Variants in LAMA1 observed in about 807,000 individuals in gnomAD.
The protein encoded by LAMA1 is laminin subunit alpha 1, also known as laminin subunit alpha-1.
A neutral mutation model predicts 348.7 loss-of-function variants in LAMA1; 219 were observed. That is an observed-to-expected ratio of 0.63 (90% CI 0.56 to 0.70). LAMA1 has a LOEUF of 0.70. Ranked by LOEUF, LAMA1 falls within the 30% of genes least tolerant of loss-of-function variation. The pLI is 0.00. For synonymous variants in LAMA1, 1,487 were observed against 1,491.0 expected, an observed-to-expected ratio of 1.00 and a Z score of 0.06; for missense variants, 3,744 against 3,888.0, an observed-to-expected ratio of 0.96 and a Z score of 0.99.
At chr18:7,102,130 C>T (rs956153604) in intron 1 of LAMA1, among the ~76,000 whole-genome samples, 6 of 152,052 alleles carry the variant, frequency 3.9e-5, no homozygotes, top group Non-Finnish European at 7.4e-5. Flanking sequence ...ATATAAAACA[C>T]GGCCCATTTA....
At position 7,016,668 on chromosome 18, in the gene LAMA1, C is replaced by T; in HGVS notation, c.2812G>A (p.Gly938Ser). The T allele has an allele frequency of 6.2e-7, 1 of 1,611,764 alleles. No individual in the cohort carries two copies. Among genetic ancestry groups the T allele is most frequent in the African/African-American group, 1.3e-5 (1 of 75,036 alleles). ...TGGCCTGAGTCCAGCCCATAATAGC[C>T]ATGCTGTTTCACCAAAGGGGGAGAA... ...TGQQCDQCLH[G>S]YYGLDSGHGC... Residue 938 changes from glycine to serine, a missense_variant, in exon 21 of 63, where the codon GGC becomes AGC. By Grantham distance (56) the Gly-to-Ser change is moderately conservative (BLOSUM62 0). Coordinates refer to ENST00000389658, the MANE Select transcript of LAMA1 (RefSeq NM_005559.4).
chr18:7,033,470 AG>A (rs1177360074), intron 14 of LAMA1, among the ~76,000 whole-genome samples: 2 of 151,314 alleles, frequency 1.3e-5, no homozygotes, highest in Admixed American at 6.6e-5. Flanking sequence ...AAAAAAAAAA[AG>A]ACTTAAATCC....
intron 3 of LAMA1, among the ~76,000 whole-genome samples, chr18:7,056,725 T>C (rs2058083607): frequency 1.3e-5 from 2 of 152,152 alleles, no homozygotes; most frequent in African/African-American, 4.8e-5. Flanking sequence ...ATGTTAAGCA[T>C]AGTGGCAGCT....
intron 3 of LAMA1, 21 bp from the exon 4 acceptor site, chr18:7,050,957 A>G (rs751153067): frequency 1.2e-6 from 2 of 1,613,488 alleles, no homozygotes; most frequent in East Asian, 4.5e-5. Flanking sequence ...GACACTGAAA[A>G]GTCTCAATCC....
chr18:7,072,915 T>C (rs2143767975), intron 3 of LAMA1, among the ~76,000 whole-genome samples: 1 of 152,308 alleles, frequency 6.6e-6, no homozygotes, highest in East Asian at 1.9e-4. Flanking sequence ...TTCCGGGTCC[T>C]ATCAGCCTTG....
chr18:7,015,004 G>A (rs558256792), intron 22 of LAMA1, among the ~76,000 whole-genome samples: 13 of 151,490 alleles, frequency 8.6e-5, no homozygotes, highest in African/African-American at 2.7e-4. Flanking sequence ...CCATCACCAC[G>A]CCCAGCTAAT....
Position 7,013,956 on chromosome 18 carries a change from G to A in LAMA1, c.3222C>T (p.Cys1074=), listed in dbSNP as rs760611120. 8.1e-6 allele frequency: 13 copies of A among 1,613,726 alleles called. No individual in the cohort carries two copies. Among genetic ancestry groups the A allele is most frequent in the Middle Eastern group, 1.6e-4 (1 of 6,084 alleles). Residue 1074 remains cysteine, a synonymous_variant, in exon 23 of 63, where the codon TGC becomes TGT. Transcript: ENST00000389658. ...CTCTGTAACCCAAGGAACACTGATC[G>A]CAGGCCCGGCCACCAAATTTTGACT... ...QCKSKFGGRA[C]DQCSLGYRDF...
At position 7,016,589 on chromosome 18, in the gene LAMA1, G is replaced by T; in HGVS notation, c.2891C>A (p.Thr964Lys). ...GACACAGTGACACTGGCCTTCATCC[G>T]TGCAGCCATCTGACACGGAGCCTGC... ...SVAGSVSDGC[T>K]DEGQCHCVPG... is the part of the protein sequence containing the mutation. The change falls in exon 21 of 63, where the codon ACG (threonine) becomes AAG (lysine). Residue 964 changes from threonine (T) to lysine (K), a missense_variant. Thr to Lys is a moderately conservative substitution (Grantham distance 78). This residue lies in a region of LAMA1 where 1,529 missense variants were observed against 1,689.4 expected (regional missense o/e 0.91). Coordinates refer to ENST00000389658, the MANE Select transcript of LAMA1 (RefSeq NM_005559.4). 1 of 1,614,140 alleles carries T rather than the reference G, an allele frequency of 6.2e-7. No homozygotes were observed. The highest frequency in any genetic ancestry group is 8.5e-7 in the Non-Finnish European group (1 of 1,180,044).
intron 3 of LAMA1, among the ~76,000 whole-genome samples, chr18:7,060,826 T>C (rs1301744196): frequency 6.6e-6 from 1 of 152,148 alleles, no homozygotes; most frequent in Non-Finnish European, 1.5e-5. Flanking sequence ...GGTGTCACCA[T>C]TTCCATTTGA....
chr18:7,021,958 A>G (rs1598284409), intron 19 of LAMA1, among the ~76,000 whole-genome samples: 2 of 151,238 alleles, frequency 1.3e-5, no homozygotes, highest in African/African-American at 4.9e-5. Flanking sequence ...TACCGCACTG[A>G]CTTCTCAGAA....
Position 6,973,200 on chromosome 18 carries a change from T to C in LAMA1, c.6631A>G (p.Asn2211Asp), listed in dbSNP as rs1229160833. 6.2e-7 allele frequency: 1 copy of C among 1,614,134 alleles called. No homozygotes were observed. The highest frequency in any genetic ancestry group is 8.5e-7 in the Non-Finnish European group (1 of 1,179,998). Residue 2211 changes from asparagine to aspartate, a missense_variant, in exon 47 of 63, where the codon AAC (asparagine) becomes GAC (aspartate). Coordinates refer to ENST00000389658, the MANE Select transcript of LAMA1 (RefSeq NM_005559.4). ...TCCTTTACACTCAGTGAACCAATGTTTCCAAATCTAAGGGTTACAAAGAAT... is the reference window on the plus strand; with the variant it reads ...TCCTTTACACTCAGTGAACCAATGTCTCCAAATCTAAGGGTTACAAAGAAT... ...WHSIHVARFG[N>D]IGSLSVKEMS...
chr18:7,072,010 C>G (rs1313858351), intron 3 of LAMA1, among the ~76,000 whole-genome samples: 2 of 152,184 alleles, frequency 1.3e-5, no homozygotes, highest in Admixed American at 1.3e-4. Flanking sequence ...AAGTAAATAT[C>G]CCAAGGGATC....
rs370696638 is a variant in LAMA1 at position 6,949,109 on chromosome 18, T to A, written c.8548A>T (p.Ile2850Phe). ...GLPSQYQARK[I>F]GNITHSIPAC... ...TGGAAAATGCTGCTTACATTTCCAA[T>A]TTTCCTGGCCTGGTACTGGGAGGGC... The change falls in exon 59 of 63, where the codon ATT becomes TTT. Residue 2850 changes from isoleucine to phenylalanine, a missense_variant. Physicochemically the swap from Ile to Phe is conservative, Grantham distance 21. Around this residue, in one of 3 missense-constraint regions of LAMA1, gnomAD observed 1,983 missense variants for 1,934.3 expected, o/e 1.03. Coordinates refer to ENST00000389658, the MANE Select transcript of LAMA1 (RefSeq NM_005559.4). 2 of 1,614,000 alleles carry A rather than the reference T, an allele frequency of 1.2e-6. No individual in the cohort carries two copies. The highest frequency in any genetic ancestry group is 2.7e-5 in the African/African-American group (2 of 74,902).
chr18:7,057,755 A>G (rs2143740314), intron 3 of LAMA1, among the ~76,000 whole-genome samples: 1 of 150,324 alleles, frequency 6.7e-6, no homozygotes, highest in African/African-American at 2.4e-5. Flanking sequence ...CCGTGATTAC[A>G]GATGTGAACC....
rs1157620915 is a variant in LAMA1, at chr18:7,026,122, A to G, written c.2275-16T>C. ...GCGCACACGCCTAGGAACATGCACC[A>G]GAAGAATCAGCTCAGGTTGTCTTAA... On this transcript the variant is annotated splice_polypyrimidine_tract_variant and intron_variant, in intron 16 of 62. Transcript: ENST00000389658. 1 of 1,609,994 alleles carries G rather than the reference A, an allele frequency of 6.2e-7. No homozygotes were observed. The highest frequency in any genetic ancestry group is 2.2e-5 in the East Asian group (1 of 44,796).
At position 7,037,673 on chromosome 18, in the gene LAMA1, C is replaced by T. The variant is rs377172724; in HGVS notation, c.1642G>A (p.Gly548Arg). Reference sequence around the variant, plus strand: ...TTGTTGATGCTGACCTGATGGCGCCCGCCTAGTGCATCTTGCTGAGACGGG... The same window carrying T: ...TTGTTGATGCTGACCTGATGGCGCCTGCCTAGTGCATCTTGCTGAGACGGG... The part of the protein sequence containing the change: ...KIPSQQDALG[G>R]RHQVSINNTA... The change falls in exon 12 of 63, where the codon GGG becomes AGG. Residue 548 changes from glycine to arginine, a missense_variant. Physicochemically the swap from Gly to Arg is moderately radical, Grantham distance 125 (BLOSUM62 -2). Transcript: ENST00000389658. The T allele has an allele frequency of 1.3e-4, 205 of 1,614,022 alleles. No individual in the cohort carries two copies. Among genetic ancestry groups the T allele is most frequent in the Non-Finnish European group, 1.6e-4 (184 of 1,180,034 alleles).
At chr18:7,062,878 G>A (rs896913450) in intron 3 of LAMA1, among the ~76,000 whole-genome samples, 2 of 152,124 alleles carry the variant, frequency 1.3e-5, no homozygotes, top group African/African-American at 4.8e-5. Context: ...TGCTCCAGTT[G>A]ATGGAGCGAT....
intron 1 of LAMA1, among the ~76,000 whole-genome samples, chr18:7,100,752 G>A (rs2058288189): frequency 6.6e-6 from 1 of 152,170 alleles, no homozygotes; most frequent in Non-Finnish European, 1.5e-5. Flanking sequence ...GCTCACACCT[G>A]TAATCCCAGC....
At chr18:6,945,158 G>A (rs186362783) in intron 61 of LAMA1, among the ~76,000 whole-genome samples, 7 of 152,162 alleles carry the variant, frequency 4.6e-5, no homozygotes, top group Non-Finnish European at 4.4e-5. Flanking sequence ...GCCTCCCAAG[G>A]TTTTGGGATT....
Sources: gnomAD v4.1 joint callset for allele counts (sites outside exome capture counted in the v4.1 genomes callset) on GRCh38, gnomAD v4.1.1 for gene constraint, gnomAD v4.1.1 regional missense constraint, MANE v1.5 for transcripts, NCBI Gene and HGNC (gene_info 2026-07-23, HGNC 2026-07-21) for gene names.